The following ANKRD35 variants were observed in gnomAD, a reference collection of about 807,000 sequenced individuals.
ANKRD35 encodes ankyrin repeat domain 35.
A neutral mutation model predicts 109.9 loss-of-function variants in ANKRD35; 102 were observed. The observed-to-expected ratio is 0.93, with a 90% CI of 0.79 to 1.09. ANKRD35 has a LOEUF of 1.09. Among genes scored for constraint, ANKRD35 ranks in the 50% least tolerant of loss-of-function variants. ANKRD35 has a pLI of 0.00. For synonymous variants in ANKRD35, 515 were observed against 512.4 expected (o/e 1.01, Z -0.07); for missense variants, 1,240 against 1,230.1 (o/e 1.01, Z -0.12).
Position 145,872,810 on chromosome 1 carries a change from C to A in ANKRD35, c.1959G>T (p.Gln653His). 6.2e-7 allele frequency: 1 copy of A among 1,613,960 alleles called. No homozygotes were observed. The highest frequency in any genetic ancestry group is 8.5e-7 in the Non-Finnish European group (1 of 1,179,936). Residue 653 changes from glutamine (Q) to histidine (H), a missense_variant, in exon 10 of 14, where the codon CAG (glutamine) becomes CAT (histidine). Transcript: ENST00000355594. ...RELQSLSQRLQREFVPKPQAQ... is the reference protein window; with the variant it reads ...RELQSLSQRLHREFVPKPQAQ... ...CCTGTGGCTTGGGCACAAACTCCCG[C>A]TGCAGCCGCTGGCTCAGGGACTGTA...
At chr1:145,881,880 C>T (rs1219457474) in intron 1 of ANKRD35, among the ~76,000 whole-genome samples, 7 of 151,196 alleles carry the variant, frequency 4.6e-5, no homozygotes, top group Non-Finnish European at 1.0e-4. Context: ...TACTAGCCAG[C>T]GAATAACAGC....
chr1:145,873,927 G>A lies in ANKRD35; in HGVS notation c.842C>T (p.Pro281Leu). 6.2e-7 allele frequency: 1 copy of A among 1,614,166 alleles called. No individual in the cohort carries two copies. Among genetic ancestry groups the A allele is most frequent in the Non-Finnish European group, 8.5e-7 (1 of 1,180,044 alleles). ...CTCCTTCTCCTCTTGCTCCTCTTCA[G>A]GCTCTGCTCTCCATGAGCTCTTAGG... is the stretch of plus-strand genomic sequence containing the variant. ...SPPKSSWRAE[P>L]EEEQEEKEDE... The change falls in exon 10 of 14, where the codon CCT (proline) becomes CTT (leucine). Residue 281 changes from proline (P) to leucine (L), a missense_variant. Coordinates refer to ENST00000355594, the MANE Select transcript of ANKRD35 (RefSeq NM_144698.5).
At chr1:145,885,652 G>T (rs1273220761) in intron 1 of ANKRD35, 68 bp downstream of exon 1, 2 of 1,527,444 alleles carry the variant, frequency 1.3e-6, no homozygotes, top group African/African-American at 1.4e-5. Flanking sequence ...ATTGAGACGG[G>T]ACTAAAGACT....
At chr1:145,874,028 G>T (rs781908207) in intron 9 of ANKRD35, 43 bp from the exon 10 acceptor site, 11 of 1,611,240 alleles carry the variant, frequency 6.8e-6, no homozygotes, top group Non-Finnish European at 9.3e-6. Context: ...ACTAGGCAAC[G>T]AACTGAGCCC....
intron 10 of ANKRD35, among the ~76,000 whole-genome samples, chr1:145,871,445 G>A (rs1464671268): frequency 1.1e-4 from 17 of 152,040 alleles, no homozygotes; most frequent in African/African-American, 3.6e-4. Flanking sequence ...TTACAGGCGT[G>A]AGCCACCGCG....
chr1:145,879,440 G>A, intron 1 of ANKRD35, 52 bp from the exon 2 acceptor site: 1 of 1,384,460 alleles, frequency 7.2e-7, no homozygotes, highest in East Asian at 2.7e-5. Context: ...GTAGTGTGGA[G>A]AAAGAAAAGA....
Position 145,873,038 on chromosome 1 carries a change from G to A in ANKRD35, c.1731C>T (p.Ser577=). The part of the protein sequence containing the change: ...REGALKAAPG[S]IKQDEEKEKR... Reference sequence around the variant, plus strand: ...TCTCCTTCTCTTCATCCTGTTTGATGCTCCCTGGGGCTGCCTTTAGGGCTC... The same window carrying A: ...TCTCCTTCTCTTCATCCTGTTTGATACTCCCTGGGGCTGCCTTTAGGGCTC... Residue 577 remains serine, a synonymous_variant, in exon 10 of 14, where the codon AGC becomes AGT. Transcript: ENST00000355594. The A allele has an allele frequency of 6.2e-7, 1 of 1,610,268 alleles. No homozygotes were observed. The highest frequency in any genetic ancestry group is 8.5e-7 in the Non-Finnish European group (1 of 1,178,358).
In ANKRD35 at chr1:145,872,300, C is replaced by G; in HGVS notation, c.2469G>C (p.Glu823Asp). The G allele has an allele frequency of 6.2e-7, 1 of 1,612,708 alleles. No homozygotes were observed. The highest frequency in any genetic ancestry group is 2.2e-5 in the East Asian group (1 of 44,856). ...LLYQATEEVA[E>D]LRAREAASLR... ...GGCTGGCTGCCTCCCGGGCCCTTAG[C>G]TCAGCCACTTCCTCTGTGGCTTGGT... The change falls in exon 10 of 14, where the codon GAG (glutamate) becomes GAC (aspartate). Residue 823 changes from glutamate (E) to aspartate (D), a missense_variant. Glu to Asp is a conservative substitution (Grantham distance 45). Coordinates refer to ENST00000355594, the MANE Select transcript of ANKRD35 (RefSeq NM_144698.5).
intron 8 of ANKRD35, 96 bp from the exon 9 acceptor site, chr1:145,874,288 CCTCT>C: frequency 7.4e-7 from 1 of 1,348,376 alleles, no homozygotes; most frequent in Non-Finnish European, 1.1e-6. Flanking sequence ...AGAGGAGTGG[CCTCT>C]CTGTGATCAA....
Position 145,873,520 on chromosome 1 carries a change from G to A in ANKRD35, c.1249C>T (p.His417Tyr), listed in dbSNP as rs868995741. ...SAPGKIQYEV[H>Y]GRSQPEEQGP... ...TGTTCTTCTGGTTGGGACCTTCCAT[G>A]GACTTCATACTGGATCTTTCCTGGG... The change falls in exon 10 of 14, where the codon CAT becomes TAT. Residue 417 changes from histidine (H) to tyrosine (Y), a missense_variant. Coordinates refer to ENST00000355594, the MANE Select transcript of ANKRD35 (RefSeq NM_144698.5). The A allele has an allele frequency of 6.2e-7, 1 of 1,613,964 alleles. No individual in the cohort carries two copies. The highest frequency in any genetic ancestry group is 8.5e-7 in the Non-Finnish European group (1 of 1,179,960).
intron 1 of ANKRD35, among the ~76,000 whole-genome samples, chr1:145,885,364 G>A (rs1394409478): frequency 1.3e-5 from 2 of 152,102 alleles, no homozygotes; most frequent in African/African-American, 4.8e-5. Flanking sequence ...GGCAGGGGCT[G>A]AGGAAGATGC....
chr1:145,874,279 G>A (rs587636403), intron 8 of ANKRD35, 87 bp from the exon 9 acceptor site: 1 of 1,431,768 alleles, frequency 7.0e-7, no homozygotes, highest in South Asian at 1.2e-5. Flanking sequence ...CTTTTTCTGA[G>A]AGGAGTGGCC....
chr1:145,877,865 G>A (rs782178393), intron 4 of ANKRD35, 103 bp downstream of exon 4: 129 of 1,106,062 alleles, frequency 1.2e-4, no homozygotes, highest in Middle Eastern at 2.0e-4. Flanking sequence ...GGGATGAGGC[G>A]AGTACATTTG....
chr1:145,873,421 G>A lies in ANKRD35; in HGVS notation c.1348C>T (p.Gln450Ter), dbSNP rs954750545. 6.2e-7 allele frequency: 1 copy of A among 1,614,002 alleles called. No homozygotes were observed. The highest frequency in any genetic ancestry group is 2.2e-5 in the East Asian group (1 of 44,890). The stretch of plus-strand genomic sequence containing the variant: ...TCAGCATGATCAGGGCCAAAGGTCT[G>A]TGCCCCATTGGTAGTCAGTTGCTGT... Reference protein sequence around the residue: ...TGQQLTTNGAQTFGPDHADQL... With the variant: ...TGQQLTTNGA The change falls in exon 10 of 14, where the codon CAG becomes TAG. Residue 450 changes from glutamine to a stop codon, truncating the protein, a stop_gained. Coordinates refer to ENST00000355594, the MANE Select transcript of ANKRD35 (RefSeq NM_144698.5). LOFTEE classifies it high-confidence loss of function.
chr1:145,873,655 C>T lies in ANKRD35; in HGVS notation c.1114G>A (p.Gly372Ser). 6.2e-7 allele frequency: 1 copy of T among 1,614,108 alleles called. No homozygotes were observed. The highest frequency in any genetic ancestry group is 1.6e-4 in the Middle Eastern group (1 of 6,062). ...TCAGCCAGCAGGTCCTTAGGACAAC[C>T]CTGCTCCATGCCATCCCCTCCAGGC... ...LRPGGDGMEQ[G>S]CPKDLLAEST... is the part of the protein sequence containing the mutation. The change falls in exon 10 of 14, where the codon GGT becomes AGT. Residue 372 changes from glycine (G) to serine (S), a missense_variant. Coordinates refer to ENST00000355594, the MANE Select transcript of ANKRD35 (RefSeq NM_144698.5).
rs1553738893 is a variant in ANKRD35 at position 145,872,353 on chromosome 1, C to G, written c.2416G>C (p.Glu806Gln). ...VQATMSGKSQ[E>Q]IGKLKQLLYQ... The stretch of plus-strand genomic sequence containing the variant: ...AGCAGCTGCTTCAGCTTTCCGATCT[C>G]CTGGCTCTTCCCGCTCATCGTGGCC... The change falls in exon 10 of 14, where the codon GAG becomes CAG. Residue 806 changes from glutamate (E) to glutamine (Q), a missense_variant. Coordinates refer to ENST00000355594, the MANE Select transcript of ANKRD35 (RefSeq NM_144698.5). The G allele has an allele frequency of 1.2e-6, 2 of 1,612,966 alleles. No individual in the cohort carries two copies. The highest frequency in any genetic ancestry group is 1.7e-5 in the Admixed American group (1 of 59,968).
chr1:145,882,106 C>T (rs1654312721), intron 1 of ANKRD35, among the ~76,000 whole-genome samples: 1 of 150,454 alleles, frequency 6.6e-6, no homozygotes, highest in Non-Finnish European at 1.5e-5. Flanking sequence ...AGGCGCCCGC[C>T]ACCACACCCG....
Position 145,885,732 on chromosome 1 carries a change from G to A in ANKRD35, c.27C>T (p.Ser9=). 2 of 1,614,166 alleles carry A rather than the reference G, an allele frequency of 1.2e-6. No homozygotes were observed. The highest frequency in any genetic ancestry group is 1.7e-6 in the Non-Finnish European group (2 of 1,180,022). The change falls in exon 1 of 14, where the codon AGC becomes AGT. Residue 9 remains serine (S), a synonymous_variant. Coordinates refer to ENST00000355594, the MANE Select transcript of ANKRD35 (RefSeq NM_144698.5). The part of the protein sequence containing the change: MKRIFSCS[S]TQVAVERWNR... ...TTTTGGCACCTACCGCCACCTGTGT[G>A]CTGGAGCAGGAGAAGATACGCTTCA... is the stretch of plus-strand genomic sequence containing the variant.
chr1:145,878,546 A>C (rs1317962639), intron 2 of ANKRD35, 67 bp from the exon 3 acceptor site: 2 of 1,446,042 alleles, frequency 1.4e-6, no homozygotes, highest in Non-Finnish European at 1.9e-6. Context: ...GAGAATCTTG[A>C]TAAGCCCTTC....
Sources: gnomAD v4.1 joint callset for allele counts (sites outside exome capture counted in the v4.1 genomes callset) on GRCh38, gnomAD v4.1.1 for gene constraint, MANE v1.5 for transcripts, NCBI Gene and HGNC (gene_info 2026-07-23, HGNC 2026-07-21) for gene names.